HES2: variants seen among roughly 807,000 people sequenced by gnomAD.
The protein encoded by HES2 is transcription factor HES-2.
A neutral mutation model predicts 11.9 loss-of-function variants in HES2; 11 were observed. That is an observed-to-expected ratio of 0.92 (90% CI 0.58 to 1.53). The LOEUF is 1.53. Ranked by LOEUF, HES2 falls within the 40% of genes most tolerant of loss-of-function variation. HES2 has a pLI of 0.00. For synonymous variants in HES2, 125 were observed against 122.8 expected (o/e 1.02, Z -0.12); for missense variants, 260 against 253.8 (o/e 1.02, Z -0.16).
rs932553383 is a variant in HES2, at chr1:6,419,815, C to A, written c.6G>T (p.Gly2=). Reference sequence around the variant, plus strand: ...CCGCGTCCCCTGCCCGGCGAGGCAGCCCCATGCTCCGCGGGGAAGCGGTGG... The same window carrying A: ...CCGCGTCCCCTGCCCGGCGAGGCAGACCCATGCTCCGCGGGGAAGCGGTGG... The part of the protein sequence containing the change: M[G]LPRRAGDAAE... Residue 2 remains glycine (G), a synonymous_variant, in exon 1 of 4, where the codon GGG becomes GGT. Transcript: ENST00000377834. The surrounding 1 kb of genome is among the most constrained non-coding windows in gnomAD (Gnocchi z 8.1). 3 of 1,557,702 alleles carry A rather than the reference C, an allele frequency of 1.9e-6. No individual in the cohort carries two copies. The Admixed American group carries it at 5.5e-5, about 29-fold the overall frequency.
chr1:6,419,896 G>A lies in HES2; in HGVS notation c.-76C>T, dbSNP rs1013110848. ...AGGTCCGAAATGAGGTCCCGGGCGC[G>A]GCCCGGGCTGGTGCCAGACGAGTGC... On this transcript the variant is annotated 5_prime_UTR_variant, in exon 1 of 4. Transcript: ENST00000377834. This position sits in a 1 kb window ranked among gnomAD's most constrained non-coding sequence, Gnocchi z 8.1. 3 of 1,439,898 alleles carry A rather than the reference G, an allele frequency of 2.1e-6. No individual in the cohort carries two copies. The highest frequency in any genetic ancestry group is 5.8e-5 in the East Asian group (2 of 34,234). The allele number at this position is 1,439,898 out of a possible 1,614,324, so 89.2% of individuals were successfully genotyped here. A position where few individuals can be genotyped will look rare whatever the true frequency, so the allele number is the denominator to read the frequency against.
chr1:6,417,748 T>G lies in HES2; in HGVS notation c.*1125A>C, dbSNP rs934846927. 2.0e-5 allele frequency: 3 copies of G among 152,216 alleles called. No individual in the cohort carries two copies. The highest frequency in any genetic ancestry group is 4.4e-5 in the Non-Finnish European group (3 of 68,060). 9.4% of individuals were successfully genotyped at this position (152,216 alleles called of 1,614,324 possible). A position where few individuals can be genotyped will look rare whatever the true frequency, so the allele number is the denominator to read the frequency against. ...GCTGGCACATGCCACCACACCCGGC[T>G]AATTTTTGTATTTTTAGTAGAGACG... On this transcript the variant is annotated 3_prime_UTR_variant, in exon 4 of 4. Coordinates refer to ENST00000377834, the MANE Select transcript of HES2 (RefSeq NM_019089.5).
In HES2 at chr1:6,419,831, G is replaced by A. The variant is rs773915521; in HGVS notation, c.-11C>T. Reference sequence around the variant, plus strand: ...GCGAGGCAGCCCCATGCTCCGCGGGGAAGCGGTGGCAGCTGCGAGCCCCAC... The same window carrying A: ...GCGAGGCAGCCCCATGCTCCGCGGGAAAGCGGTGGCAGCTGCGAGCCCCAC... On this transcript the variant is annotated 5_prime_UTR_variant, in exon 1 of 4. Coordinates refer to ENST00000377834, the MANE Select transcript of HES2 (RefSeq NM_019089.5). This position sits in a 1 kb window ranked among gnomAD's most constrained non-coding sequence, Gnocchi z 8.1. The A allele has an allele frequency of 1.9e-6, 3 of 1,548,766 alleles. No homozygotes were observed. The highest frequency in any genetic ancestry group is 1.4e-5 in the African/African-American group (1 of 70,140).
Position 6,415,584 on chromosome 1 carries a change from T to C in HES2, c.*3289A>G, listed in dbSNP as rs972468393. On this transcript the variant is annotated 3_prime_UTR_variant, in exon 4 of 4. Coordinates refer to ENST00000377834, the MANE Select transcript of HES2 (RefSeq NM_019089.5). ...GTCAATGTTTATGAGGAGTCCTCCT[T>C]GGCAGCCCAGTCTTTATCCTCACTC... 1 of 152,050 alleles carries C rather than the reference T, an allele frequency of 6.6e-6. No individual in the cohort carries two copies. The highest frequency in any genetic ancestry group is 1.9e-4 in the East Asian group (1 of 5,146). 9.4% of individuals were successfully genotyped at this position (152,050 alleles called of 1,614,324 possible).
Sources: gnomAD v4.1 joint callset for allele counts on GRCh38, gnomAD v4.1.1 for gene constraint, Gnocchi (gnomAD v3.1) non-coding constraint, MANE v1.5 for transcripts, NCBI Gene and HGNC (gene_info 2026-07-23, HGNC 2026-07-21) for gene names.